WHAMM: variants seen among roughly 807,000 people sequenced by gnomAD.
The protein encoded by WHAMM is WASP homolog-associated protein with actin, membranes and microtubules.
WHAMM carries 67 observed loss-of-function variants against 76.5 expected under a neutral mutation model. That is an observed-to-expected ratio of 0.88 (90% confidence interval 0.72 to 1.07). The LOEUF (loss-of-function observed/expected upper bound fraction) is 1.07, where lower values mean the gene tolerates loss of function less well. WHAMM is among the 50% of genes least tolerant of loss of function. The probability of loss-of-function intolerance (pLI) is 0.00; values close to 1 mark genes in which losing one functional copy is unlikely to be tolerated. For missense variants in WHAMM, 1,021 were observed against 1,051.1 expected (o/e 0.97, Z 0.40); for synonymous variants, 419 against 422.1 (o/e 0.99, Z 0.09).
intron 1 of WHAMM, among the ~76,000 whole-genome samples, chr15:82,810,947 A>C (rs1375381379): frequency 6.6e-6 from 1 of 152,196 alleles, no homozygotes; most frequent in Non-Finnish European, 1.5e-5. Context: ...TACTGAACCT[A>C]AGGGGAGGGG....
In WHAMM at chr15:82,830,904, G is replaced by A. The variant is rs767096621; in HGVS notation, c.1947G>A (p.Pro649=). 5.5e-5 allele frequency: 61 copies of A among 1,113,550 alleles called. No homozygotes were observed. Among genetic ancestry groups the A allele is most frequent in the Middle Eastern group, 2.2e-4 (1 of 4,548 alleles). 69.0% of individuals were successfully genotyped at this position (1,113,550 alleles called of 1,614,324 possible). A position where few individuals can be genotyped will look rare whatever the true frequency, so the allele number is the denominator to read the frequency against. The change falls in exon 9 of 10, where the codon CCG becomes CCA. Residue 649 remains proline, a synonymous_variant. Coordinates refer to ENST00000286760, the MANE Select transcript of WHAMM (RefSeq NM_001080435.3). Reference sequence around the variant, plus strand: ...CTCCTCCTCCTCCACCACCACCACCGCCGCCACCGCCGCCCCCACCCCCTC... The same window carrying A: ...CTCCTCCTCCTCCACCACCACCACCACCGCCACCGCCGCCCCCACCCCCTC... ...PPPPPPPPPP[P]PPPPPPPPPL...
At position 82,827,751 on chromosome 15, in the gene WHAMM, G is replaced by T. The variant is rs1381238095; in HGVS notation, c.1641+905G>T. ...CTTGAGGTCATGAGTTTGAGACCAG[G>T]CTGGGCAACATGGTGAAACCCTGTC... On this transcript the variant is annotated intron_variant, in intron 8 of 9. Transcript: ENST00000286760. Among the ~76,000 whole-genome samples, 3 of 152,052 alleles carry T rather than the reference G, an allele frequency of 2.0e-5. No individual in the cohort carries two copies. In the East Asian group the frequency reaches 5.8e-4, roughly 29 times the overall value.
In WHAMM at chr15:82,831,027, C is replaced by T. The variant is rs776234348; in HGVS notation, c.2070C>T (p.Cys690=). Residue 690 remains cysteine, a synonymous_variant, in exon 9 of 10, where the codon TGC becomes TGT. Coordinates refer to ENST00000286760, the MANE Select transcript of WHAMM (RefSeq NM_001080435.3). ...VKDDQPRPLV[C]ESPAERPRDS... is the part of the protein sequence containing the mutation. ...ATGACCAGCCACGTCCTCTAGTGTG[C>T]GAATCACCTGCTGAGCGACCACGTG... 15 of 1,610,712 alleles carry T rather than the reference C, an allele frequency of 9.3e-6. No homozygotes were observed. Among genetic ancestry groups the T allele is most frequent in the Middle Eastern group, 1.6e-4 (1 of 6,082 alleles).
At position 82,834,987 on chromosome 15, in the gene WHAMM, T is replaced by C. The variant is rs961087874; in HGVS notation, c.*1451T>C. On this transcript the variant is annotated 3_prime_UTR_variant, in exon 10 of 10. Coordinates refer to ENST00000286760, the MANE Select transcript of WHAMM (RefSeq NM_001080435.3). ...TGATGCAAAGCAGTCCGTTCATTTC[T>C]CAGACTGCGAGCATCCCTACTAACC... 4.6e-5 allele frequency: 7 copies of C among 152,192 alleles called. No homozygotes were observed. The highest frequency in any genetic ancestry group is 1.7e-4 in the African/African-American group (7 of 41,442). 9.4% of individuals were successfully genotyped at this position (152,192 alleles called of 1,614,324 possible).
In WHAMM at chr15:82,826,855, T is replaced by A. The variant is rs2050944842; in HGVS notation, c.1641+9T>A. The A allele has an allele frequency of 1.3e-6, 2 of 1,539,742 alleles. No individual in the cohort carries two copies. The highest frequency in any genetic ancestry group is 2.8e-5 in the African/African-American group (2 of 71,760). ...TGAGATCATTTAAAGATGTAAGTTC[T>A]ATAAACAATCACCTCATCTACACTT... On this transcript the variant is annotated intron_variant, in intron 8 of 9. Transcript: ENST00000286760.
At chr15:82,820,648 A>T (rs2050804022) in intron 5 of WHAMM, among the ~76,000 whole-genome samples, 1 of 152,100 alleles carries the variant, frequency 6.6e-6, no homozygotes, top group Non-Finnish European at 1.5e-5. Context: ...TAATTTCAGC[A>T]CTTTGGGAGG....
intron 4 of WHAMM, 113 bp downstream of exon 4, chr15:82,818,202 T>G: frequency 8.7e-7 from 1 of 1,152,410 alleles, no homozygotes; most frequent in Non-Finnish European, 1.2e-6. Flanking sequence ...TATTGTGTAG[T>G]GGTGAAGTTT....
chr15:82,823,265 G>T lies in WHAMM; in HGVS notation c.1436G>T (p.Arg479Ile), dbSNP rs750842386. Residue 479 changes from arginine (R) to isoleucine (I), a missense_variant, in exon 6 of 10, where the codon AGA becomes ATA. Around this residue, in one of 3 missense-constraint regions of WHAMM, gnomAD observed 509 missense variants for 492.3 expected, o/e 1.03. Transcript: ENST00000286760. ...ESKRGRICAKRASLRSRKDQC... is the reference protein window; with the variant it reads ...ESKRGRICAKIASLRSRKDQC... The stretch of plus-strand genomic sequence containing the variant: ...AAACGGGGCAGGATCTGTGCCAAAA[G>T]AGCCTCTCTCCGGAGTAGAAAGGTA... 3 of 1,535,932 alleles carry T rather than the reference G, an allele frequency of 2.0e-6. No homozygotes were observed. The South Asian group carries it at 3.9e-5, about 20-fold the overall frequency.
intron 5 of WHAMM, among the ~76,000 whole-genome samples, chr15:82,822,204 TTAA>T (rs936825251): frequency 6.6e-6 from 1 of 152,164 alleles, no homozygotes; most frequent in Non-Finnish European, 1.5e-5. Context: ...CTAAGACATC[TTAA>T]TAATATATTG....
rs758659353 is a variant in WHAMM, at chr15:82,809,930, G to A, written c.204G>A (p.Lys68=). 5 of 1,446,338 alleles carry A rather than the reference G, an allele frequency of 3.5e-6. No homozygotes were observed. The highest frequency in any genetic ancestry group is 2.7e-6 in the Non-Finnish European group (3 of 1,094,178). 89.6% of individuals were successfully genotyped at this position (1,446,338 alleles called of 1,614,324 possible). ...GARLGPEPEP[K]PEAAVSPSSW... ...GGTTGGGGCCCGAGCCCGAGCCCAA[G>A]CCTGAGGCCGCCGTCTCCCCGTCCA... Residue 68 remains lysine (K), a synonymous_variant, in exon 1 of 10, where the codon AAG becomes AAA. Transcript: ENST00000286760.
intron 5 of WHAMM, among the ~76,000 whole-genome samples, chr15:82,819,843 A>C (rs1437014734): frequency 6.6e-6 from 1 of 152,124 alleles, no homozygotes; most frequent in Non-Finnish European, 1.5e-5. Context: ...AAAATACAAA[A>C]ATACTAAACC....
In WHAMM at chr15:82,830,915, C is replaced by T. The variant is rs374419638; in HGVS notation, c.1958C>T (p.Pro653Leu). Residue 653 changes from proline to leucine, a missense_variant, in exon 9 of 10, where the codon CCG (proline) becomes CTG (leucine). This residue lies in a region of WHAMM where 509 missense variants were observed against 492.3 expected (regional missense o/e 1.03). Coordinates refer to ENST00000286760, the MANE Select transcript of WHAMM (RefSeq NM_001080435.3). ...PPPPPPPPPP[P>L]PPPPPLRALS... ...CCACCACCACCACCGCCGCCACCGC[C>T]GCCCCCACCCCCTCCTCTCCGTGCT... is the stretch of plus-strand genomic sequence containing the variant. 1.3e-5 allele frequency: 20 copies of T among 1,595,408 alleles called. No individual in the cohort carries two copies. Among genetic ancestry groups the T allele is most frequent in the Non-Finnish European group, 1.5e-5 (18 of 1,168,492 alleles).
intron 8 of WHAMM, among the ~76,000 whole-genome samples, chr15:82,828,828 G>C (rs1022320766): frequency 2.0e-5 from 3 of 152,216 alleles, no homozygotes; most frequent in Non-Finnish European, 4.4e-5. Flanking sequence ...TGGGGTGATA[G>C]GAAAGTCTGT....
intron 1 of WHAMM, among the ~76,000 whole-genome samples, chr15:82,810,899 G>T (rs1473253944): frequency 6.6e-6 from 1 of 152,140 alleles, no homozygotes; most frequent in East Asian, 1.9e-4. Flanking sequence ...GCTTGAAAGA[G>T]GTAGTTTGAG....
Position 82,823,171 on chromosome 15 carries a change from G to A in WHAMM, c.1342G>A (p.Val448Met). The A allele has an allele frequency of 1.9e-6, 3 of 1,571,746 alleles. No individual in the cohort carries two copies. The highest frequency in any genetic ancestry group is 2.6e-6 in the Non-Finnish European group (3 of 1,155,634). ...PEELKVIDCV[V>M]GLQDDKNLEV... ...GGAACTTAAAGTCATTGACTGTGTG[G>A]TGGGGCTGCAGGATGATAAGAATTT... Residue 448 changes from valine to methionine, a missense_variant, in exon 6 of 10, where the codon GTG (valine) becomes ATG (methionine). Physicochemically the swap from Val to Met is conservative, Grantham distance 21. This residue lies in a region of WHAMM where 509 missense variants were observed against 492.3 expected (regional missense o/e 1.03). Transcript: ENST00000286760.
At position 82,833,621 on chromosome 15, in the gene WHAMM, G is replaced by A; in HGVS notation, c.*85G>A. ...ACCTATCGAAAAGCATACTAACAGG[G>A]TGCTGATAGATGGGCCACATAACAC... On this transcript the variant is annotated 3_prime_UTR_variant, in exon 10 of 10. Coordinates refer to ENST00000286760, the MANE Select transcript of WHAMM (RefSeq NM_001080435.3). The A allele has an allele frequency of 2.1e-6, 3 of 1,422,558 alleles. No individual in the cohort carries two copies. Among genetic ancestry groups the A allele is most frequent in the Non-Finnish European group, 9.5e-7 (1 of 1,053,436 alleles). 88.1% of individuals were successfully genotyped at this position (1,422,558 alleles called of 1,614,324 possible). A position where few individuals can be genotyped will look rare whatever the true frequency, so the allele number is the denominator to read the frequency against.
chr15:82,833,274 C>T lies in WHAMM; in HGVS notation c.2168C>T (p.Pro723Leu), dbSNP rs754013874. 1.5e-5 allele frequency: 25 copies of T among 1,613,976 alleles called. No individual in the cohort carries two copies. The South Asian group carries it at 2.7e-4, about 18-fold the overall frequency. The change falls in exon 10 of 10, where the codon CCT becomes CTT. Residue 723 changes from proline (P) to leucine (L), a missense_variant. Pro to Leu is a moderately conservative substitution (Grantham distance 98). Coordinates refer to ENST00000286760, the MANE Select transcript of WHAMM (RefSeq NM_001080435.3). ...VLASLRHGRA[P>L]LRKVEVPAVR... ...GCCTCCTTAAGGCATGGCAGAGCTCCTCTCCGGAAGGTGGAAGTGCCGGCG... is the reference window on the plus strand; with the variant it reads ...GCCTCCTTAAGGCATGGCAGAGCTCTTCTCCGGAAGGTGGAAGTGCCGGCG...
rs1395353558 is a variant in WHAMM at position 82,810,098 on chromosome 15, C to T, written c.372C>T (p.Leu124=). The T allele has an allele frequency of 6.0e-5, 77 of 1,280,072 alleles. No individual in the cohort carries two copies. Among genetic ancestry groups the T allele is most frequent in the Middle Eastern group, 3.0e-4 (1 of 3,284 alleles). The allele number at this position is 1,280,072 out of a possible 1,614,324, so 79.3% of individuals were successfully genotyped here. Residue 124 remains leucine (L), a synonymous_variant, in exon 1 of 10, where the codon CTC becomes CTT. Transcript: ENST00000286760. ...GCGGCGGGGCCTGGGGTCTGGGGCT[C>T]GGGCTGTGGGCGCTGCTGTGGCCGA... is the stretch of plus-strand genomic sequence containing the variant. The part of the protein sequence containing the change: ...VGGGGAWGLG[L]GLWALLWPTR...
At chr15:82,829,353 G>C (rs916519336) in intron 8 of WHAMM, among the ~76,000 whole-genome samples, 1 of 152,226 alleles carries the variant, frequency 6.6e-6, no homozygotes, top group African/African-American at 2.4e-5. Flanking sequence ...ACAGTGACAT[G>C]CTGCAGCCGG....
Sources: gnomAD v4.1 joint callset for allele counts (sites outside exome capture counted in the v4.1 genomes callset) on GRCh38, gnomAD v4.1.1 for gene constraint, gnomAD v4.1.1 regional missense constraint, MANE v1.5 for transcripts, NCBI Gene and HGNC (gene_info 2026-07-23, HGNC 2026-07-21) for gene names.